The following ZPBP variants were observed in gnomAD, a reference collection of about 807,000 sequenced individuals.
ZPBP encodes zona pellucida binding protein.
In ZPBP, 26 loss-of-function variants were observed where a neutral mutation model predicts 44.8. The observed-to-expected ratio is 0.58, with a 90% CI of 0.43 to 0.81. ZPBP has a LOEUF of 0.81. ZPBP is among the 30% of genes least tolerant of loss of function. The probability of loss-of-function intolerance (pLI) is 0.00; values close to 1 mark genes in which losing one functional copy is unlikely to be tolerated. For missense variants in ZPBP, 409 were observed against 434.0 expected, an observed-to-expected ratio of 0.94 and a Z score of 0.51; for synonymous variants, 174 against 153.2, an observed-to-expected ratio of 1.14 and a Z score of -1.00.
chr7:49,887,361 G>A (rs956799170), intron 2 of ZPBP, among the ~76,000 whole-genome samples: 24 of 152,202 alleles, frequency 1.6e-4, no homozygotes, highest in Admixed American at 7.9e-4. Context: ...CTCCTTGGAT[G>A]ATGACACCAT....
intron 6 of ZPBP, among the ~76,000 whole-genome samples, chr7:50,011,461 T>C (rs549818634): frequency 1.3e-5 from 2 of 152,320 alleles, no homozygotes; most frequent in South Asian, 4.1e-4. Flanking sequence ...ATATTTACTA[T>C]GTGGTCCTTC....
At chr7:50,033,211 C>T (rs983112132) in intron 4 of ZPBP, among the ~76,000 whole-genome samples, 2 of 151,980 alleles carry the variant, frequency 1.3e-5, no homozygotes, top group African/African-American at 4.8e-5. Flanking sequence ...AGAAACTAAC[C>T]ATAAATATTT....
intron 3 of ZPBP, among the ~76,000 whole-genome samples, chr7:50,063,533 G>A (rs1239293930): frequency 1.3e-5 from 2 of 152,162 alleles, no homozygotes; most frequent in African/African-American, 4.8e-5. Context: ...GGGAGGATGA[G>A]GCAGATGCCA....
intron 2 of ZPBP, among the ~76,000 whole-genome samples, chr7:49,862,834 G>A (rs762209688): frequency 2.6e-5 from 4 of 151,846 alleles, no homozygotes; most frequent in Non-Finnish European, 5.9e-5. Flanking sequence ...TGGTCATGAT[G>A]TATAATCCTT....
At chr7:50,062,638 C>T (rs1801299767) in intron 3 of ZPBP, among the ~76,000 whole-genome samples, 1 of 152,188 alleles carries the variant, frequency 6.6e-6, no homozygotes, top group Non-Finnish European at 1.5e-5. Flanking sequence ...AAGATTGAAA[C>T]TGGCGCCCTT....
At chr7:49,963,020 A>G (rs945510525) in intron 7 of ZPBP, among the ~76,000 whole-genome samples, 1 of 150,842 alleles carries the variant, frequency 6.6e-6, no homozygotes, top group Non-Finnish European at 1.5e-5. Context: ...AGGAAATACT[A>G]AAAAAAAACC....
intron 7 of ZPBP, among the ~76,000 whole-genome samples, chr7:49,973,891 T>C (rs1796397200): frequency 6.6e-6 from 1 of 152,144 alleles, no homozygotes; most frequent in Non-Finnish European, 1.5e-5. Flanking sequence ...TCCTTCATGA[T>C]TGCCAACAGA....
intron 4 of ZPBP, among the ~76,000 whole-genome samples, chr7:50,051,092 A>C (rs1208143184): frequency 6.6e-6 from 1 of 151,900 alleles, no homozygotes; most frequent in Non-Finnish European, 1.5e-5. Context: ...AATTTACAAG[A>C]AAAAAAACAA....
At chr7:49,917,514 C>T (rs1166248510) in intron 1 of ZPBP, 2 of 152,134 alleles carry the variant, frequency 1.3e-5, no homozygotes, top group African/African-American at 4.8e-5. Flanking sequence ...GTACATAAAA[C>T]CTCTGGCTGA....
At chr7:49,979,885 A>G (rs1796707740) in intron 7 of ZPBP, among the ~76,000 whole-genome samples, 1 of 125,330 alleles carries the variant, frequency 8.0e-6, no homozygotes, top group Non-Finnish European at 1.6e-5. Context: ...TATATATTAC[A>G]TATTATGTAT....
rs114111079 is a variant in ZPBP, at chr7:50,035,856, G to T, written c.488-4546C>A. ...TAAAGAGAGGAATAAATTAAGAACA[G>T]GAAATTATAAAACAAAAACAGGTGG... is the stretch of plus-strand genomic sequence containing the variant. On this transcript the variant is annotated intron_variant, in intron 4 of 7. Coordinates refer to ENST00000046087, the MANE Select transcript of ZPBP (RefSeq NM_007009.3). Among the ~76,000 whole-genome samples the T allele has an allele frequency of 5.5e-3, 831 of 151,942 alleles. 6 individuals are homozygous for T. Among genetic ancestry groups the T allele is most frequent in the African/African-American group, 0.019 (785 of 41,438 alleles).
At chr7:49,991,194 G>A (rs1364766561) in intron 6 of ZPBP, among the ~76,000 whole-genome samples, 1 of 152,046 alleles carries the variant, frequency 6.6e-6, no homozygotes, top group African/African-American at 2.4e-5. Context: ...AATTTTTGTA[G>A]GAAAGGGATT....
At chr7:50,033,942 C>T (rs993267300) in intron 4 of ZPBP, among the ~76,000 whole-genome samples, 1 of 152,074 alleles carries the variant, frequency 6.6e-6, no homozygotes, top group East Asian at 1.9e-4. Context: ...ATCCACTTGC[C>T]TCGGCCTCCC....
intron 2 of ZPBP, among the ~76,000 whole-genome samples, chr7:50,084,292 T>G (rs539127644): frequency 6.6e-6 from 1 of 150,676 alleles, no homozygotes; most frequent in South Asian, 2.1e-4. Flanking sequence ...TCAGGTCCTA[T>G]GATGCTAAAA....
chr7:49,889,510 T>C (rs1447364443), intron 2 of ZPBP, among the ~76,000 whole-genome samples: 2 of 152,066 alleles, frequency 1.3e-5, no homozygotes, highest in South Asian at 2.1e-4. Flanking sequence ...TTGAAATGGG[T>C]CCAGTGAAAG....
chr7:49,855,797 C>G (rs1790394450), intron 2 of ZPBP, among the ~76,000 whole-genome samples: 1 of 152,190 alleles, frequency 6.6e-6, no homozygotes, highest in Non-Finnish European at 1.5e-5. Flanking sequence ...GCTGCCCTCA[C>G]CAGCCAGGGG....
At chr7:50,069,980 T>G (rs796827238) in intron 3 of ZPBP, among the ~76,000 whole-genome samples, 7 of 152,158 alleles carry the variant, frequency 4.6e-5, no homozygotes, top group African/African-American at 1.7e-4. Flanking sequence ...GACCATCTCT[T>G]TCATGCCATT....
intron 4 of ZPBP, among the ~76,000 whole-genome samples, chr7:50,043,578 GAAGGGCATTACATAATAGT>G (rs1484609966): frequency 6.6e-6 from 1 of 152,158 alleles, no homozygotes; most frequent in Non-Finnish European, 1.5e-5. Context: ...AAAAGACAAA[GAAGGGCATTACATAATAGT>G]AAGGGGATCA....
At chr7:49,932,672 T>A (rs973926401), downstream of ZPBP, among the ~76,000 whole-genome samples, 3 of 152,070 alleles carry the variant, frequency 2.0e-5, no homozygotes, top group Admixed American at 1.3e-4. Flanking sequence ...GAAGGTATGA[T>A]TGGTTTTGAA....
Sources: allele counts gnomAD v4.1 joint callset (sites outside exome capture counted in the v4.1 genomes callset), GRCh38; gene constraint gnomAD v4.1.1; transcripts MANE v1.5; gene names NCBI Gene and HGNC (gene_info 2026-07-23, HGNC 2026-07-21).